The following PARD3B variants were observed in gnomAD, a reference collection of about 807,000 sequenced individuals.
PARD3B encodes the protein partitioning defective 3 homolog B.
PARD3B carries 103 observed loss-of-function variants against 130.2 expected under a neutral mutation model. The ratio of observed to expected loss-of-function variants is 0.79; its 90% CI spans 0.67 to 0.93. The LOEUF is 0.93. Ranked by LOEUF, PARD3B falls within the 40% of genes least tolerant of loss-of-function variation. The pLI is 0.00. For missense variants in PARD3B, 1,609 were observed against 1,499.2 expected, an observed-to-expected ratio of 1.07 and a Z score of -1.21; for synonymous variants, 583 against 553.2, an observed-to-expected ratio of 1.05 and a Z score of -0.76.
At chr2:205,120,425 A>G (rs1559458356) in intron 7 of PARD3B, among the ~76,000 whole-genome samples, 4 of 152,230 alleles carry the variant, frequency 2.6e-5, no homozygotes, top group African/African-American at 9.6e-5. Flanking sequence ...TTGCAGAATT[A>G]AGCACTTCAG....
intron 13 of PARD3B, among the ~76,000 whole-genome samples, chr2:205,177,791 C>T (rs1422991175): frequency 6.6e-6 from 1 of 152,074 alleles, no homozygotes; most frequent in African/African-American, 2.4e-5. Flanking sequence ...AGCAATTTGC[C>T]TGCAGACTCA....
At chr2:204,745,407 C>CTTTTTTTTTTTTTTT (rs71032405) in intron 2 of PARD3B, among the ~76,000 whole-genome samples, 1 of 140,996 alleles carries the variant, frequency 7.1e-6, no homozygotes. Context: ...TAAATACTAC[C>CTTTTTTTTTTTTTTT]TTTTTTTTTT....
At chr2:205,174,195 A>G (rs1283253846) in intron 12 of PARD3B, among the ~76,000 whole-genome samples, 3 of 152,172 alleles carry the variant, frequency 2.0e-5, no homozygotes, top group Non-Finnish European at 4.4e-5. Flanking sequence ...CTCTGGGTAG[A>G]TTGGCGTTAT....
At chr2:205,452,407 T>A (rs2048131729) in intron 20 of PARD3B, among the ~76,000 whole-genome samples, 1 of 152,172 alleles carries the variant, frequency 6.6e-6, no homozygotes, top group South Asian at 2.1e-4. Context: ...ACTTAGAGAT[T>A]TGTTTTTAGT....
At chr2:205,415,408 G>A (rs1314176923) in intron 19 of PARD3B, among the ~76,000 whole-genome samples, 1 of 152,108 alleles carries the variant, frequency 6.6e-6, no homozygotes, top group Admixed American at 6.6e-5. Flanking sequence ...TTTACAAAAT[G>A]TTAAGAAATG....
intron 19 of PARD3B, among the ~76,000 whole-genome samples, chr2:205,432,068 T>C (rs1398596153): frequency 1.3e-5 from 2 of 152,202 alleles, no homozygotes; most frequent in African/African-American, 4.8e-5. Context: ...CAGGATGGGC[T>C]CTTGTGTGTT....
intron 22 of PARD3B, among the ~76,000 whole-genome samples, chr2:205,561,756 G>C: frequency 6.6e-6 from 1 of 152,192 alleles, no homozygotes; most frequent in East Asian, 1.9e-4. Context: ...TTGCTGCTCT[G>C]ACTTTGCAGG....
intron 2 of PARD3B, among the ~76,000 whole-genome samples, chr2:204,711,638 C>T (rs970634070): frequency 2.6e-5 from 4 of 151,990 alleles, no homozygotes; most frequent in Non-Finnish European, 5.9e-5. Flanking sequence ...CTCTGCCTCC[C>T]AGGTTCAAGT....
At chr2:204,944,755 G>T (rs1689178191) in intron 2 of PARD3B, among the ~76,000 whole-genome samples, 2 of 152,118 alleles carry the variant, frequency 1.3e-5, no homozygotes, top group South Asian at 4.1e-4. Context: ...GAGTGATTTT[G>T]TTCTAATTGT....
chr2:205,400,190 G>C (rs1395384021), intron 18 of PARD3B, among the ~76,000 whole-genome samples: 1 of 152,002 alleles, frequency 6.6e-6, no homozygotes, highest in African/African-American at 2.4e-5. Flanking sequence ...ACTCTCTATT[G>C]CATTAATAGG....
chr2:204,998,440 G>GTGTATATATGTGTATATTATATA (rs1559341884), intron 3 of PARD3B, among the ~76,000 whole-genome samples: 8 of 17,384 alleles, frequency 4.6e-4, no homozygotes, highest in South Asian at 4.4e-3. Flanking sequence ...ATATATGTGT[G>GTGTATATATGTGTATATTATATA]TGTATATATA....
At position 205,537,426 on chromosome 2, in the gene PARD3B, C is replaced by G. The variant is rs143163564; in HGVS notation, c.3181-15898C>G. Among the ~76,000 whole-genome samples the G allele has an allele frequency of 1.3e-3, 193 of 152,128 alleles. 3 individuals carry two copies. Among genetic ancestry groups the G allele is most frequent in the African/African-American group, 4.0e-3 (165 of 41,488 alleles). ...TTCTCTGGTTCTCCTGTCTGCTGAC[C>G]CCTTGCTACATGATGCTTCCCCTTC... On this transcript the variant is annotated intron_variant, in intron 21 of 22. Coordinates refer to ENST00000406610, the MANE Select transcript of PARD3B (RefSeq NM_001302769.2).
At chr2:205,255,658 A>G (rs1236577015) in intron 16 of PARD3B, among the ~76,000 whole-genome samples, 1 of 152,102 alleles carries the variant, frequency 6.6e-6, no homozygotes, top group East Asian at 1.9e-4. Context: ...TAGCTCACAG[A>G]ACTCAGGCAA....
At chr2:205,417,357 CT>C (rs1405068465) in intron 19 of PARD3B, among the ~76,000 whole-genome samples, 6 of 152,068 alleles carry the variant, frequency 3.9e-5, no homozygotes, top group African/African-American at 1.4e-4. Flanking sequence ...GGTTCCAAGT[CT>C]TTGCTATTGT....
At chr2:205,004,142 G>A (rs900570098) in intron 3 of PARD3B, among the ~76,000 whole-genome samples, 8 of 152,252 alleles carry the variant, frequency 5.3e-5, no homozygotes, top group Admixed American at 2.6e-4. Flanking sequence ...ATTCAGAGTT[G>A]GGGTATCACT....
At chr2:205,178,143 T>TAAAAA (rs58267787) in intron 13 of PARD3B, among the ~76,000 whole-genome samples, 666 of 20,800 alleles carry the variant, frequency 0.032, 146 homozygotes, top group Non-Finnish European at 0.041. Flanking sequence ...CCATCTGTAC[T>TAAAAA]AAAAAAAAAA....
intron 15 of PARD3B, among the ~76,000 whole-genome samples, chr2:205,217,750 GTA>G (rs2037993854): frequency 6.7e-6 from 1 of 148,684 alleles, no homozygotes; most frequent in Non-Finnish European, 1.5e-5. Context: ...ATGTATGTGT[GTA>G]TATATGTGTG....
At chr2:204,985,740 C>A (rs1488926065) in intron 3 of PARD3B, among the ~76,000 whole-genome samples, 2 of 152,064 alleles carry the variant, frequency 1.3e-5, no homozygotes, top group African/African-American at 4.8e-5. Flanking sequence ...GGGGGAAGAT[C>A]TGGTGAGGGT....
At chr2:205,254,672 T>TTA (rs1484526559) in intron 16 of PARD3B, among the ~76,000 whole-genome samples, 22 of 151,310 alleles carry the variant, frequency 1.5e-4, no homozygotes, top group African/African-American at 5.3e-4. Context: ...TTATTTTATT[T>TTA]TTTTTTTTTG....
Sources: allele counts gnomAD v4.1 joint callset (sites outside exome capture counted in the v4.1 genomes callset), GRCh38; gene constraint gnomAD v4.1.1; transcripts MANE v1.5; gene names NCBI Gene and HGNC (gene_info 2026-07-23, HGNC 2026-07-21).